Variants in PIAS2 observed in about 807,000 individuals in gnomAD.
PIAS2 encodes protein inhibitor of activated STAT 2, also known as E3 SUMO-protein ligase PIAS2.
Under a neutral mutation model 69.7 loss-of-function variants are expected in PIAS2, and 19 were observed. The ratio of observed to expected loss-of-function variants is 0.27; its 90% CI spans 0.19 to 0.40. The LOEUF is 0.40. PIAS2 is among the 10% of genes least tolerant of loss of function. The pLI is 1.00. For synonymous variants in PIAS2, 261 were observed against 263.2 expected, an observed-to-expected ratio of 0.99 and a Z score of 0.08; for missense variants, 624 against 757.0, an observed-to-expected ratio of 0.82 and a Z score of 2.06.
chr18:46,903,613 G>C (rs2056197090), intron 1 of PIAS2: 1 of 152,146 alleles, frequency 6.6e-6, no homozygotes, highest in African/African-American at 2.4e-5. Flanking sequence ...TTGCTGGTAG[G>C]GATGTAAAAT....
At chr18:46,907,048 G>A (rs575380311) in intron 1 of PIAS2, among the ~76,000 whole-genome samples, 2 of 152,292 alleles carry the variant, frequency 1.3e-5, no homozygotes, top group South Asian at 4.1e-4. Flanking sequence ...AGGAGAGCCT[G>A]CAAAGCTGAG....
chr18:46,873,274 A>T (rs2050652095), intron 2 of PIAS2, among the ~76,000 whole-genome samples: 1 of 152,198 alleles, frequency 6.6e-6, no homozygotes, highest in Admixed American at 6.5e-5. Flanking sequence ...ACCACTGATA[A>T]TTCACTTAAC....
Position 46,847,163 on chromosome 18 carries a change from C to A in PIAS2, c.727-322G>T, listed in dbSNP as rs2046274173. On this transcript the variant is annotated intron_variant, in intron 5 of 13. Transcript: ENST00000585916. Reference sequence around the variant, plus strand: ...ACACCAAGCTTTACAGATAAAGTCACAACTTTTTATAACGATTCATCCTTA... The same window carrying A: ...ACACCAAGCTTTACAGATAAAGTCAAAACTTTTTATAACGATTCATCCTTA... 2.6e-5 allele frequency among the ~76,000 whole-genome samples: 4 copies of A among 152,062 alleles called. No individual in the cohort carries two copies. The South Asian group carries it at 8.3e-4, about 32-fold the overall frequency.
intron 5 of PIAS2, among the ~76,000 whole-genome samples, 156 bp from the exon 6 acceptor site, chr18:46,846,997 T>C (rs2046253777): frequency 6.6e-6 from 1 of 152,020 alleles, no homozygotes; most frequent in South Asian, 2.1e-4. Flanking sequence ...CAACCCAAAA[T>C]AGGAAAATAA....
chr18:46,887,858 C>G (rs375747035), intron 2 of PIAS2, among the ~76,000 whole-genome samples: 10 of 152,204 alleles, frequency 6.6e-5, no homozygotes, highest in South Asian at 4.1e-4. Flanking sequence ...TGAGTAAGTT[C>G]TAGCCAGAGC....
intron 12 of PIAS2, chr18:46,817,776 G>T: frequency 1.1e-6 from 1 of 950,124 alleles, no homozygotes; most frequent in Non-Finnish European, 1.3e-6. Flanking sequence ...TAACAGTGAA[G>T]TTTGATATGG....
chr18:46,870,076 C>T (rs1029360830), intron 2 of PIAS2, among the ~76,000 whole-genome samples: 1 of 152,114 alleles, frequency 6.6e-6, no homozygotes, highest in African/African-American at 2.4e-5. Context: ...TCCATATAAC[C>T]CTGAGTCAAT....
At chr18:46,830,596 A>G (rs1043995700) in intron 9 of PIAS2, among the ~76,000 whole-genome samples, 1 of 152,088 alleles carries the variant, frequency 6.6e-6, no homozygotes, top group Admixed American at 6.5e-5. Context: ...TAAAAGCAAG[A>G]AAAGAGAAAT....
intron 5 of PIAS2, among the ~76,000 whole-genome samples, chr18:46,850,037 G>A (rs563841493): frequency 3.3e-5 from 5 of 152,162 alleles, no homozygotes; most frequent in East Asian, 1.9e-4. Context: ...CTTGTCTTTC[G>A]ATTCAGATCT....
chr18:46,842,698 T>C (rs7236403), intron 8 of PIAS2, among the ~76,000 whole-genome samples: 11,685 of 152,120 alleles, frequency 0.077, 479 homozygotes, highest in African/African-American at 0.1. Flanking sequence ...AACCTGAAGA[T>C]ACTGAAAAGA....
At chr18:46,913,178 AC>A (rs1246652603) in intron 1 of PIAS2, among the ~76,000 whole-genome samples, 4 of 152,068 alleles carry the variant, frequency 2.6e-5, no homozygotes, top group African/African-American at 9.7e-5. Context: ...AGGACCTCTA[AC>A]CTCAAATCCC....
At chr18:46,857,549 T>A (rs1247510345) in intron 3 of PIAS2, among the ~76,000 whole-genome samples, 3 of 151,960 alleles carry the variant, frequency 2.0e-5, no homozygotes. Context: ...GTGCAGTAAT[T>A]CCCAGAAAAA....
At chr18:46,861,961 A>G (rs750335231) in intron 3 of PIAS2, among the ~76,000 whole-genome samples, 1 of 152,196 alleles carries the variant, frequency 6.6e-6, no homozygotes, top group Non-Finnish European at 1.5e-5. Flanking sequence ...TATAAGATTT[A>G]ATATTAAAGG....
intron 3 of PIAS2, among the ~76,000 whole-genome samples, chr18:46,855,900 A>G (rs1335437373): frequency 1.3e-5 from 2 of 152,028 alleles, no homozygotes; most frequent in African/African-American, 2.4e-5. Context: ...ACTTGGTAAC[A>G]TGCAAGGAAG....
chr18:46,821,734 T>C (rs2042207255), intron 11 of PIAS2, among the ~76,000 whole-genome samples: 1 of 152,166 alleles, frequency 6.6e-6, no homozygotes, highest in East Asian at 1.9e-4. Context: ...TAAGAGAGTT[T>C]ATGATTTTAA....
At chr18:46,861,221 G>A (rs911705716) in intron 3 of PIAS2, among the ~76,000 whole-genome samples, 6 of 151,990 alleles carry the variant, frequency 3.9e-5, no homozygotes, top group African/African-American at 1.2e-4. Context: ...CCTGGGCGAC[G>A]GAGTGAGACT....
chr18:46,814,254 A>G (rs1384419976), intron 13 of PIAS2, among the ~76,000 whole-genome samples: 1 of 152,176 alleles, frequency 6.6e-6, no homozygotes, highest in African/African-American at 2.4e-5. Flanking sequence ...TGAAGGCCCC[A>G]CATCACCCTT....
chr18:46,890,611 G>C lies in PIAS2; in HGVS notation c.468C>G (p.Val156=), dbSNP rs1354888102. The C allele has an allele frequency of 4.3e-6, 7 of 1,613,472 alleles. No homozygotes were observed. The African/African-American group carries it at 9.3e-5, about 22-fold the overall frequency. ...VQLKNLPFYD[V]LDVLIKPTSL... ...TCGTGGGCTTGATGAGAACATCAAG[G>C]ACATCATAAAAGGGCAGATTTTTTA... Residue 156 remains valine (V), a synonymous_variant, in exon 2 of 14, where the codon GTC becomes GTG. Coordinates refer to ENST00000585916, the MANE Select transcript of PIAS2 (RefSeq NM_004671.5).
intron 12 of PIAS2, chr18:46,816,173 A>G: frequency 2.0e-6 from 2 of 985,346 alleles, no homozygotes; most frequent in Middle Eastern, 5.2e-4. Flanking sequence ...GCCAATTTCT[A>G]TTCAATTCCG....
Sources: allele counts gnomAD v4.1 joint callset (sites outside exome capture counted in the v4.1 genomes callset), GRCh38; gene constraint gnomAD v4.1.1; transcripts MANE v1.5; gene names NCBI Gene and HGNC (gene_info 2026-07-23, HGNC 2026-07-21).